The following DCC variants were observed in gnomAD, a reference collection of about 807,000 sequenced individuals.
DCC encodes netrin receptor DCC.
Under a neutral mutation model 172.5 loss-of-function variants are expected in DCC, and 58 were observed. The observed-to-expected ratio is 0.34, with a 90% confidence interval of 0.27 to 0.42. DCC has a LOEUF of 0.42. Among genes scored for constraint, DCC ranks in the 10% least tolerant of loss-of-function variants. The pLI, the probability that DCC is intolerant of heterozygous loss-of-function variation, is 1.00. For missense variants in DCC, 1,740 were observed against 1,791.0 expected (o/e 0.97, Z 0.51); for synonymous variants, 709 against 644.5 (o/e 1.10, Z -1.52).
At chr18:52,842,563 A>G (rs184160358) in intron 2 of DCC, among the ~76,000 whole-genome samples, 249 of 152,306 alleles carry the variant, frequency 1.6e-3, no homozygotes, top group Non-Finnish European at 2.9e-3. Context: ...TCTTCTGGAA[A>G]CACCCTCATA....
Position 53,205,363 on chromosome 18 carries a change from A to G in DCC, c.1721A>G (p.Gln574Arg). ...ACTGAGGTGTCCACAGGAAAAGAAC[A>G]GGTAGGTGAAGGAATGGACCACACT... is the stretch of plus-strand genomic sequence containing the variant. The part of the protein sequence containing the change: ...FCTEVSTGKE[Q>R]NIEVDGLSYK... Residue 574 changes from glutamine (Q) to arginine (R), a missense_variant and splice_region_variant, in exon 10 of 29, where the codon CAG becomes CGG. Coordinates refer to ENST00000442544, the MANE Select transcript of DCC (RefSeq NM_005215.4). 2.5e-6 allele frequency: 4 copies of G among 1,613,780 alleles called. No homozygotes were observed. The highest frequency in any genetic ancestry group is 3.4e-6 in the Non-Finnish European group (4 of 1,179,722).
At chr18:52,475,068 C>T (rs1989055266) in intron 1 of DCC, among the ~76,000 whole-genome samples, 1 of 152,172 alleles carries the variant, frequency 6.6e-6, no homozygotes, top group Admixed American at 6.6e-5. Context: ...TCTCAACTTC[C>T]TACCCCCACA....
At chr18:53,299,602 T>C (rs1354809745) in intron 12 of DCC, among the ~76,000 whole-genome samples, 1 of 152,222 alleles carries the variant, frequency 6.6e-6, no homozygotes, top group African/African-American at 2.4e-5. Context: ...CATGTTGTTT[T>C]TTCATTATTA....
rs554498709 is a variant in DCC, at chr18:52,625,834, G to A, written c.92-126220G>A. The stretch of plus-strand genomic sequence containing the variant: ...ATGCCAATGTCAGTTCTCAGGTCCT[G>A]CCTCATGTCCAAACATGTTTTAATG... On this transcript the variant is annotated intron_variant, in intron 1 of 28. Transcript: ENST00000442544. Among the ~76,000 whole-genome samples, 7 of 152,248 alleles carry A rather than the reference G, an allele frequency of 4.6e-5. No homozygotes were observed. In the South Asian group the frequency reaches 8.3e-4, roughly 18 times the overall value.
intron 2 of DCC, among the ~76,000 whole-genome samples, chr18:52,769,744 TTTGAG>T (rs1455572635): frequency 1.4e-4 from 21 of 152,306 alleles, no homozygotes; most frequent in South Asian, 4.1e-4. Flanking sequence ...TGTGATTCAT[TTTGAG>T]TTAAGTTTGT....
At chr18:53,291,620 T>C (rs2057005983) in intron 12 of DCC, among the ~76,000 whole-genome samples, 1 of 152,206 alleles carries the variant, frequency 6.6e-6, no homozygotes, top group African/African-American at 2.4e-5. Flanking sequence ...ATTTTACATA[T>C]AACTCCCCTG....
chr18:53,138,814 A>T (rs1463356406), intron 7 of DCC, among the ~76,000 whole-genome samples: 22 of 152,242 alleles, frequency 1.4e-4, no homozygotes, highest in Admixed American at 1.4e-3. Context: ...CTGTAAATGC[A>T]TCAATAATTT....
chr18:52,811,022 C>T (rs2038187179), intron 2 of DCC, among the ~76,000 whole-genome samples: 1 of 152,108 alleles, frequency 6.6e-6, no homozygotes, highest in South Asian at 2.1e-4. Flanking sequence ...CAGAGCTTAG[C>T]ACAGAGGGGA....
At chr18:52,507,494 G>A (rs1018789502) in intron 1 of DCC, among the ~76,000 whole-genome samples, 8 of 152,160 alleles carry the variant, frequency 5.3e-5, no homozygotes, top group Non-Finnish European at 7.4e-5. Flanking sequence ...AGATAGTCCT[G>A]TAAGAAAACT....
intron 1 of DCC, among the ~76,000 whole-genome samples, chr18:52,467,230 T>C (rs1200743625): frequency 6.6e-6 from 1 of 151,934 alleles, no homozygotes; most frequent in African/African-American, 2.4e-5. Flanking sequence ...TGGTGTGTGA[T>C]GTTCCTCTCC....
At chr18:52,581,135 T>G in intron 1 of DCC, among the ~76,000 whole-genome samples, 1 of 125,782 alleles carries the variant, frequency 8.0e-6, no homozygotes, top group African/African-American at 3.0e-5. Context: ...GATAAATACA[T>G]AAATAAATAT....
rs76646691 is a variant in DCC, at chr18:52,515,240, T to C, written c.91+174362T>C. Among the ~76,000 whole-genome samples the C allele has an allele frequency of 6.4e-3, 979 of 152,240 alleles. 36 individuals are homozygous for C. In the East Asian group the frequency reaches 0.11, roughly 17 times the overall value. The stretch of plus-strand genomic sequence containing the variant: ...GGGTGCTAGAGAGATTGTGTATCCA[T>C]AGCCAAAAATATAAGAAATAAAAAA... On this transcript the variant is annotated intron_variant, in intron 1 of 28. Coordinates refer to ENST00000442544, the MANE Select transcript of DCC (RefSeq NM_005215.4).
chr18:52,465,135 G>T (rs545085099), intron 1 of DCC, among the ~76,000 whole-genome samples: 4 of 152,110 alleles, frequency 2.6e-5, no homozygotes, highest in African/African-American at 9.7e-5. Context: ...GAAAAAGCTG[G>T]TCATGCTATT....
chr18:53,198,948 G>A (rs181976386), intron 9 of DCC, among the ~76,000 whole-genome samples: 56 of 152,192 alleles, frequency 3.7e-4, no homozygotes, highest in African/African-American at 1.2e-3. Flanking sequence ...AGACATCTTC[G>A]AAATGATGAG....
At chr18:53,465,784 A>C (rs1293754214) in intron 24 of DCC, among the ~76,000 whole-genome samples, 1 of 149,626 alleles carries the variant, frequency 6.7e-6, no homozygotes, top group East Asian at 1.9e-4. Flanking sequence ...TATTTACTTG[A>C]GATGGAGTCT....
chr18:52,912,835 C>T (rs2039989754), intron 3 of DCC, among the ~76,000 whole-genome samples: 1 of 151,944 alleles, frequency 6.6e-6, no homozygotes. Context: ...CTCAACTCTG[C>T]CTTTATAATC....
chr18:52,860,362 C>T (rs1045909114), intron 2 of DCC, among the ~76,000 whole-genome samples: 1 of 152,074 alleles, frequency 6.6e-6, no homozygotes, highest in African/African-American at 2.4e-5. Flanking sequence ...TCAAGAAAAG[C>T]ACAGTTTTTG....
intron 12 of DCC, among the ~76,000 whole-genome samples, chr18:53,291,143 G>A (rs2056999401): frequency 6.6e-6 from 1 of 152,016 alleles, no homozygotes; most frequent in South Asian, 2.1e-4. Context: ...ATTCCAGGCT[G>A]GGTGACAGAG....
intron 1 of DCC, among the ~76,000 whole-genome samples, chr18:52,471,953 G>T (rs943434986): frequency 1.3e-5 from 2 of 152,186 alleles, no homozygotes; most frequent in African/African-American, 2.4e-5. Context: ...CGCTGCTGAA[G>T]AATGACCTCA....
Sources: gnomAD v4.1 joint callset for allele counts (sites outside exome capture counted in the v4.1 genomes callset) on GRCh38, gnomAD v4.1.1 for gene constraint, MANE v1.5 for transcripts, NCBI Gene and HGNC (gene_info 2026-07-23, HGNC 2026-07-21) for gene names.